Variants in FSTL5 observed in about 807,000 individuals in gnomAD.
The protein encoded by FSTL5 is follistatin like 5.
Under a neutral mutation model 89.1 loss-of-function variants are expected in FSTL5, and 62 were observed. The observed-to-expected ratio is 0.70, with a 90% CI of 0.57 to 0.86. FSTL5 has a LOEUF of 0.86. Ranked by LOEUF, FSTL5 falls within the 40% of genes least tolerant of loss-of-function variation. The pLI is 0.00. For synonymous variants in FSTL5, 383 were observed against 346.2 expected (o/e 1.11, Z -1.18); for missense variants, 1,057 against 1,001.6 (o/e 1.06, Z -0.75).
chr4:161,523,611 T>A (rs1731106880), intron 10 of FSTL5, among the ~76,000 whole-genome samples: 2 of 152,332 alleles, frequency 1.3e-5, no homozygotes, highest in South Asian at 4.1e-4. Context: ...ATTCTATTAT[T>A]ATCCAATACA....
intron 6 of FSTL5, among the ~76,000 whole-genome samples, chr4:161,751,106 A>G (rs998767628): frequency 6.6e-6 from 1 of 152,170 alleles, no homozygotes; most frequent in African/African-American, 2.4e-5. Context: ...CAGATACTAT[A>G]GGTGAAAAAA....
chr4:161,938,050 C>G (rs1734480605), intron 3 of FSTL5, among the ~76,000 whole-genome samples: 1 of 152,106 alleles, frequency 6.6e-6, no homozygotes, highest in African/African-American at 2.4e-5. Context: ...TTCCTTTATA[C>G]TCTTCCTTAC....
rs187938196 is a variant in FSTL5 at position 161,624,565 on chromosome 4, T to G, written c.894+31763A>C. Among the ~76,000 whole-genome samples the G allele has an allele frequency of 2.6e-3, 398 of 151,942 alleles. 5 individuals carry two copies. The highest frequency in any genetic ancestry group is 6.8e-3 in the Middle Eastern group (2 of 292). On this transcript the variant is annotated intron_variant, in intron 7 of 15. Coordinates refer to ENST00000306100, the MANE Select transcript of FSTL5 (RefSeq NM_020116.5). ...AGATTATAGGTGTACATTTTTTAAT[T>G]ATAATACTAAAAACTTTAATACATG...
chr4:162,066,347 C>CTTCTTA (rs1398330344), intron 2 of FSTL5, among the ~76,000 whole-genome samples: 2 of 132,608 alleles, frequency 1.5e-5, no homozygotes, highest in African/African-American at 5.9e-5. Context: ...TCTTCTTCTT[C>CTTCTTA]TTCTTCTCCT....
chr4:161,658,294 A>G (rs1006965004), intron 6 of FSTL5, among the ~76,000 whole-genome samples: 1 of 151,464 alleles, frequency 6.6e-6, no homozygotes, highest in Non-Finnish European at 1.5e-5. Flanking sequence ...CCCCATCTCT[A>G]CTAAAAATAG....
intron 6 of FSTL5, among the ~76,000 whole-genome samples, chr4:161,741,781 G>C (rs1056143289): frequency 6.7e-6 from 1 of 149,124 alleles, no homozygotes; most frequent in African/African-American, 2.5e-5. Flanking sequence ...TTCGCCTCCC[G>C]GTTTCAAGCA....
chr4:161,878,618 A>G (rs1732524992), intron 4 of FSTL5, among the ~76,000 whole-genome samples: 1 of 152,110 alleles, frequency 6.6e-6, no homozygotes, highest in Non-Finnish European at 1.5e-5. Flanking sequence ...GAATTGTGAA[A>G]TTTAAGAGTA....
chr4:161,764,540 T>C (rs2126793834), intron 5 of FSTL5, among the ~76,000 whole-genome samples: 1 of 152,286 alleles, frequency 6.6e-6, no homozygotes, highest in Middle Eastern at 3.4e-3. Flanking sequence ...ATTACAGGTG[T>C]GAGCCACTGC....
rs567224540 is a variant in FSTL5 at position 161,723,978 on chromosome 4, T to C, written c.727+35433A>G. ...TAAATGTTGAAAGCCATAAGGAGCA[T>C]AAAGTCTTTTTGAAAGAATAAAAAG... On this transcript the variant is annotated intron_variant, in intron 6 of 15. Coordinates refer to ENST00000306100, the MANE Select transcript of FSTL5 (RefSeq NM_020116.5). Among the ~76,000 whole-genome samples the C allele has an allele frequency of 1.4e-4, 22 of 152,164 alleles. No individual in the cohort carries two copies. In the East Asian group the frequency reaches 3.3e-3, roughly 23 times the overall value.
chr4:162,158,449 A>G lies in FSTL5; in HGVS notation c.-17+5166T>C, dbSNP rs148360062. On this transcript the variant is annotated intron_variant, in intron 1 of 15. Coordinates refer to ENST00000306100, the MANE Select transcript of FSTL5 (RefSeq NM_020116.5). ...GAATATACGCTATAAAATAATTTCA[A>G]TGACTTAATAATTAAGGAATAGTCT... Among the ~76,000 whole-genome samples the G allele has an allele frequency of 4.7e-3, 720 of 152,226 alleles. 5 individuals carry two copies. The highest frequency in any genetic ancestry group is 0.017 in the African/African-American group (699 of 41,564).
intron 2 of FSTL5, among the ~76,000 whole-genome samples, chr4:162,062,182 GTGA>G (rs1186004024): frequency 1.1e-4 from 16 of 151,698 alleles, no homozygotes; most frequent in African/African-American, 2.9e-4. Flanking sequence ...TACAAAGTTG[GTGA>G]TGTTTTATTA....
intron 8 of FSTL5, among the ~76,000 whole-genome samples, chr4:161,572,530 T>C (rs568540420): frequency 6.6e-6 from 1 of 152,228 alleles, no homozygotes; most frequent in Admixed American, 6.5e-5. Flanking sequence ...TTTAGGGAAG[T>C]GAGGCTAAAA....
At chr4:161,645,321 G>T (rs978154194) in intron 7 of FSTL5, among the ~76,000 whole-genome samples, 1 of 151,746 alleles carries the variant, frequency 6.6e-6, no homozygotes, top group Non-Finnish European at 1.5e-5. Context: ...TTTAAAAAAC[G>T]ATTTTAGAAA....
intron 5 of FSTL5, among the ~76,000 whole-genome samples, chr4:161,769,469 C>T (rs1389937390): frequency 2.0e-5 from 3 of 151,854 alleles, no homozygotes; most frequent in Non-Finnish European, 4.4e-5. Flanking sequence ...TCAACAATAA[C>T]TTCAAAAGAT....
At chr4:161,656,302 T>C (rs1280091353) in intron 7 of FSTL5, 26 bp downstream of exon 7, 2 of 1,291,410 alleles carry the variant, frequency 1.5e-6, no homozygotes, top group East Asian at 2.4e-5. Flanking sequence ...ATATATATTA[T>C]AAAGCAACTA....
At chr4:161,805,912 G>C (rs957352305) in intron 4 of FSTL5, among the ~76,000 whole-genome samples, 3 of 152,068 alleles carry the variant, frequency 2.0e-5, no homozygotes, top group Non-Finnish European at 4.4e-5. Flanking sequence ...TATTCTGAGA[G>C]AGAGTGAGAT....
At chr4:161,927,634 AC>A (rs1163300117) in intron 3 of FSTL5, among the ~76,000 whole-genome samples, 1 of 151,720 alleles carries the variant, frequency 6.6e-6, no homozygotes, top group African/African-American at 2.4e-5. Context: ...TTTACAATAT[AC>A]TTTTTTCCTT....
Position 161,587,548 on chromosome 4 carries a change from T to C in FSTL5, c.922A>G (p.Ile308Val), listed in dbSNP as rs1240671093. Residue 308 changes from isoleucine to valine, a missense_variant, in exon 8 of 16, where the codon ATT becomes GTT. This residue lies in a region of FSTL5 where 980 missense variants were observed against 903.2 expected (regional missense o/e 1.08). Transcript: ENST00000306100. ...NDFGDDGSLYITKVTTTHVGN... is the reference protein window; with the variant it reads ...NDFGDDGSLYVTKVTTTHVGN... ...ACGTGAGTTGTGGTAACCTTAGTAA[T>C]ATACAAGGACCCATCATCTCCAAAG... The C allele has an allele frequency of 9.9e-6, 16 of 1,610,682 alleles. No individual in the cohort carries two copies. The highest frequency in any genetic ancestry group is 1.3e-5 in the African/African-American group (1 of 74,856).
chr4:161,781,988 A>G (rs1425863586), intron 4 of FSTL5, among the ~76,000 whole-genome samples: 1 of 152,154 alleles, frequency 6.6e-6, no homozygotes, highest in African/African-American at 2.4e-5. Flanking sequence ...TTGGAATCAT[A>G]CAGCATGTAG....
Sources: gnomAD v4.1 joint callset for allele counts (sites outside exome capture counted in the v4.1 genomes callset) on GRCh38, gnomAD v4.1.1 for gene constraint, gnomAD v4.1.1 regional missense constraint, MANE v1.5 for transcripts, NCBI Gene and HGNC (gene_info 2026-07-23, HGNC 2026-07-21) for gene names.